Variants in DAAM1 observed in about 807,000 individuals in gnomAD.
DAAM1 encodes the protein dishevelled associated activator of morphogenesis 1.
Under a neutral mutation model 130.0 loss-of-function variants are expected in DAAM1, and 52 were observed. That is an observed-to-expected ratio of 0.40 (90% CI 0.32 to 0.50). DAAM1 has a LOEUF of 0.50. Ranked by LOEUF, DAAM1 falls within the 20% of genes least tolerant of loss-of-function variation. DAAM1 has a pLI of 0.61. For synonymous variants in DAAM1, 452 were observed against 444.5 expected, an observed-to-expected ratio of 1.02 and a Z score of -0.21; for missense variants, 1,134 against 1,303.8, an observed-to-expected ratio of 0.87 and a Z score of 2.01.
intron 23 of DAAM1, among the ~76,000 whole-genome samples, chr14:59,365,997 A>G (rs556733044): frequency 6.6e-6 from 1 of 152,330 alleles, no homozygotes; most frequent in East Asian, 1.9e-4. Flanking sequence ...AACCCCTGGA[A>G]GAACTAAAAA....
chr14:59,291,237 C>A lies in DAAM1; in HGVS notation c.204C>A (p.Asp68Glu). The A allele has an allele frequency of 6.2e-7, 1 of 1,610,538 alleles. No individual in the cohort carries two copies. Among genetic ancestry groups the A allele is most frequent in the Non-Finnish European group, 8.5e-7 (1 of 1,179,002 alleles). Residue 68 changes from aspartate (D) to glutamate (E), a missense_variant, in exon 3 of 25, where the codon GAC becomes GAA. Physicochemically the swap from Asp to Glu is conservative, Grantham distance 45. Transcript: ENST00000360909. ...CTCAGGATGAACTGGACCTCACAGA[C>A]AAACACAGAGAAGCCATGTTTGCAC... ...SELVDELDLT[D>E]KHREAMFALP...
At chr14:59,297,049 A>G (rs1307515231) in intron 3 of DAAM1, among the ~76,000 whole-genome samples, 2 of 152,196 alleles carry the variant, frequency 1.3e-5, no homozygotes, top group African/African-American at 4.8e-5. Flanking sequence ...TGGTCAAAAT[A>G]TTACCAAATG....
Position 59,291,292 on chromosome 14 carries a change from T to C in DAAM1, c.259T>C (p.Cys87Arg), listed in dbSNP as rs150333289. 1.9e-6 allele frequency: 3 copies of C among 1,608,510 alleles called. No individual in the cohort carries two copies. Among genetic ancestry groups the C allele is most frequent in the Non-Finnish European group, 2.5e-6 (3 of 1,178,484 alleles). The change falls in exon 3 of 25, where the codon TGT becomes CGT. Residue 87 changes from cysteine to arginine, a missense_variant. Physicochemically the swap from Cys to Arg is radical, Grantham distance 180. This residue lies in a region of DAAM1 where 391 missense variants were observed against 521.6 expected (regional missense o/e 0.75). Transcript: ENST00000360909. ...LPAEKKWQIY[C>R]SKKKDQEENK... ...AGCTGAGAAAAAATGGCAAATATAC[T>C]GTAGCAAGAAAAAGGTAAGATTTTC...
At chr14:59,280,191 C>T (rs1477744401) in intron 2 of DAAM1, among the ~76,000 whole-genome samples, 2 of 152,170 alleles carry the variant, frequency 1.3e-5, no homozygotes, top group Non-Finnish European at 2.9e-5. Flanking sequence ...TCAATGTATA[C>T]CTTTGCCAAA....
In DAAM1 at chr14:59,324,161, C is replaced by A. The variant is rs767216734; in HGVS notation, c.808C>A (p.Arg270=). Residue 270 remains arginine (R), a synonymous_variant, in exon 7 of 25, where the codon CGG becomes AGG. Transcript: ENST00000360909. ...LINDLDKSTG[R]YRDEVSLKTA... is the part of the protein sequence containing the mutation. ...TAACGACTTGGATAAAAGCACTGGG[C>A]GGTATCGAGATGAAGTGAGTCTCAA... The A allele has an allele frequency of 6.9e-7, 1 of 1,446,156 alleles. No homozygotes were observed. The highest frequency in any genetic ancestry group is 1.4e-5 in the African/African-American group (1 of 69,536). 89.6% of individuals were successfully genotyped at this position (1,446,156 alleles called of 1,614,324 possible).
intron 1 of DAAM1, among the ~76,000 whole-genome samples, chr14:59,193,723 CTCTG>C (rs1594749450): frequency 2.6e-5 from 4 of 152,184 alleles, no homozygotes; most frequent in Admixed American, 2.0e-4. Context: ...CTGGTTTTTA[CTCTG>C]TCTGTGACTT....
Position 59,363,664 on chromosome 14 carries a change from A to G in DAAM1, c.2708A>G (p.Gln903Arg). The G allele has an allele frequency of 6.2e-7, 1 of 1,614,084 alleles. No homozygotes were observed. Among genetic ancestry groups the G allele is most frequent in the East Asian group, 2.2e-5 (1 of 44,878 alleles). The change falls in exon 23 of 25, where the codon CAG becomes CGG. Residue 903 changes from glutamine to arginine, a missense_variant. By Grantham distance (43) the Gln-to-Arg change is conservative. Transcript: ENST00000360909. ...CCTGTGTTTAAGGAGCTGGAATATC[A>G]GAAGTCTCAGCCCCCACAGCCCGGA... is the stretch of plus-strand genomic sequence containing the variant. ...LKAVETELEY[Q>R]KSQPPQPGDK...
chr14:59,208,235 G>A (rs1888323319), intron 1 of DAAM1, among the ~76,000 whole-genome samples: 2 of 152,110 alleles, frequency 1.3e-5, no homozygotes, highest in African/African-American at 4.8e-5. Context: ...TAGACACCCT[G>A]TTGTCCAAGG....
chr14:59,345,477 T>G (rs1046265438), intron 16 of DAAM1, among the ~76,000 whole-genome samples: 5 of 152,176 alleles, frequency 3.3e-5, no homozygotes, highest in Non-Finnish European at 5.9e-5. Flanking sequence ...ATGAGTACAG[T>G]AGGATTCCCA....
At chr14:59,196,267 A>G (rs1161604030) in intron 1 of DAAM1, among the ~76,000 whole-genome samples, 2 of 152,246 alleles carry the variant, frequency 1.3e-5, no homozygotes, top group Non-Finnish European at 2.9e-5. Flanking sequence ...ATGGTGGTCA[A>G]CATTATTCAC....
chr14:59,202,786 A>G (rs1226599071), intron 1 of DAAM1, among the ~76,000 whole-genome samples: 1 of 152,196 alleles, frequency 6.6e-6, no homozygotes, highest in Non-Finnish European at 1.5e-5. Context: ...AGGAATGTTT[A>G]CAACATGAGT....
At chr14:59,216,845 T>C (rs567499261) in intron 1 of DAAM1, among the ~76,000 whole-genome samples, 2 of 152,288 alleles carry the variant, frequency 1.3e-5, no homozygotes, top group African/African-American at 2.4e-5. Context: ...AATTAAGGTG[T>C]TTGGCTTAGT....
chr14:59,293,277 A>C (rs1883821404), intron 3 of DAAM1, among the ~76,000 whole-genome samples: 1 of 152,216 alleles, frequency 6.6e-6, no homozygotes, highest in African/African-American at 2.4e-5. Flanking sequence ...CTTGACAGCA[A>C]TAGAAAGTTA....
chr14:59,243,893 G>C (rs1405007351), intron 1 of DAAM1, among the ~76,000 whole-genome samples: 1 of 152,192 alleles, frequency 6.6e-6, no homozygotes, highest in Non-Finnish European at 1.5e-5. Context: ...AGGGATACCT[G>C]TATGTCCCTG....
chr14:59,364,191 G>A (rs1185812146), intron 23 of DAAM1, among the ~76,000 whole-genome samples: 1 of 152,226 alleles, frequency 6.6e-6, no homozygotes, highest in East Asian at 1.9e-4. Context: ...TGTTACTAAA[G>A]CCATGTGCCT....
chr14:59,274,095 C>T (rs189762373), intron 2 of DAAM1, among the ~76,000 whole-genome samples: 8 of 152,178 alleles, frequency 5.3e-5, no homozygotes, highest in African/African-American at 9.6e-5. Flanking sequence ...TTATGATTTT[C>T]GGGCTTATGG....
intron 2 of DAAM1, among the ~76,000 whole-genome samples, chr14:59,272,632 TACAC>T (rs1370076823): frequency 4.6e-4 from 59 of 128,342 alleles, no homozygotes; most frequent in African/African-American, 1.8e-3. Flanking sequence ...CACACACACA[TACAC>T]ACATATATAT....
chr14:59,368,365 A>G (rs1015089999), intron 24 of DAAM1, among the ~76,000 whole-genome samples: 5 of 152,046 alleles, frequency 3.3e-5, no homozygotes, highest in Non-Finnish European at 7.4e-5. Flanking sequence ...AGAAACACAA[A>G]TTGCCTCAAT....
intron 8 of DAAM1, among the ~76,000 whole-genome samples, chr14:59,325,208 G>A (rs1169424329): frequency 6.6e-6 from 1 of 152,070 alleles, no homozygotes; most frequent in Non-Finnish European, 1.5e-5. Flanking sequence ...ACCCTGATGT[G>A]TTTGTCTTCA....
Sources: gnomAD v4.1 joint callset for allele counts (sites outside exome capture counted in the v4.1 genomes callset) on GRCh38, gnomAD v4.1.1 for gene constraint, gnomAD v4.1.1 regional missense constraint, MANE v1.5 for transcripts, NCBI Gene and HGNC (gene_info 2026-07-23, HGNC 2026-07-21) for gene names.